The following RAB11FIP2 variants were observed in gnomAD, a reference collection of about 807,000 sequenced individuals.
The protein encoded by RAB11FIP2 is RAB11 family interacting protein 2.
Under a neutral mutation model 40.9 loss-of-function variants are expected in RAB11FIP2, and 16 were observed. That is an observed-to-expected ratio of 0.39 (90% confidence interval 0.26 to 0.59). The LOEUF (loss-of-function observed/expected upper bound fraction) is 0.59. RAB11FIP2 is among the 20% of genes least tolerant of loss of function. The pLI, the probability that RAB11FIP2 is intolerant of heterozygous loss-of-function variation, is 0.53. For missense variants in RAB11FIP2, 532 were observed against 606.2 expected, an observed-to-expected ratio of 0.88 and a Z score of 1.28; for synonymous variants, 228 against 213.7, an observed-to-expected ratio of 1.07 and a Z score of -0.58.
In RAB11FIP2 at chr10:118,035,666, A is replaced by T. The variant is rs560531094; in HGVS notation, c.1265+3306T>A. Among the ~76,000 whole-genome samples the T allele has an allele frequency of 2.3e-4, 35 of 152,276 alleles. No homozygotes were observed. The South Asian group carries it at 7.0e-3, about 31-fold the overall frequency. The stretch of plus-strand genomic sequence containing the variant: ...AAGCATCACGCTGGAGACTAAGGGC[A>T]AAAAGAGGAATGAAATGCAGACCCT... On this transcript the variant is annotated intron_variant, in intron 3 of 4. Coordinates refer to ENST00000355624, the MANE Select transcript of RAB11FIP2 (RefSeq NM_014904.3).
intron 3 of RAB11FIP2, among the ~76,000 whole-genome samples, chr10:118,019,797 A>G (rs996102410): frequency 6.6e-5 from 10 of 151,182 alleles, no homozygotes; most frequent in Non-Finnish European, 1.3e-4. Flanking sequence ...CTGCACTCCA[A>G]CCTGGGGGAA....
At chr10:118,011,368 CTTTTA>C (rs1254392457) in intron 4 of RAB11FIP2, among the ~76,000 whole-genome samples, 1 of 151,778 alleles carries the variant, frequency 6.6e-6, no homozygotes, top group Admixed American at 6.6e-5. Context: ...ATCAATTAAT[CTTTTA>C]TAAGTCTACA....
chr10:118,045,840 G>A lies in RAB11FIP2; in HGVS notation c.324C>T (p.Ile108=), dbSNP rs1846623447. Residue 108 remains isoleucine, a synonymous_variant, in exon 1 of 5, where the codon ATC becomes ATT. Transcript: ENST00000355624. The stretch of plus-strand genomic sequence containing the variant: ...TTTTCCTTCTTTGTTTGTCCTCAAA[G>A]ATGTCATTGAGATTGATTGCCACCT... ...LGQVAINLND[I]FEDKQRRKTE... 1 of 1,611,346 alleles carries A rather than the reference G, an allele frequency of 6.2e-7. No homozygotes were observed. Among genetic ancestry groups the A allele is most frequent in the Non-Finnish European group, 8.5e-7 (1 of 1,178,728 alleles).
Position 118,038,876 on chromosome 10 carries a change from A to G in RAB11FIP2, c.1265+96T>C, listed in dbSNP as rs183996499. 1,567 of 819,818 alleles carry G rather than the reference A, an allele frequency of 1.9e-3. 20 individuals are homozygous for G. Among genetic ancestry groups the G allele is most frequent in the Non-Finnish European group, 6.3e-4 (345 of 545,254 alleles). 50.8% of individuals were successfully genotyped at this position (819,818 alleles called of 1,614,324 possible). A position where few individuals can be genotyped will look rare whatever the true frequency, so the allele number is the denominator to read the frequency against. ...AAAAATGTTTTTCAAATAAAATAAA[A>G]TGACTTGAAAATATTCTAGCATTTA... On this transcript the variant is annotated intron_variant, in intron 3 of 4. Coordinates refer to ENST00000355624, the MANE Select transcript of RAB11FIP2 (RefSeq NM_014904.3).
At chr10:118,022,509 C>A (rs1310391709) in intron 3 of RAB11FIP2, among the ~76,000 whole-genome samples, 2 of 152,126 alleles carry the variant, frequency 1.3e-5, no homozygotes, top group African/African-American at 4.8e-5. Context: ...ATTGCCCATC[C>A]CCTAATGCCA....
intron 3 of RAB11FIP2, among the ~76,000 whole-genome samples, chr10:118,024,058 C>T (rs1846311891): frequency 6.6e-6 from 1 of 150,404 alleles, no homozygotes; most frequent in Non-Finnish European, 1.5e-5. Context: ...CCACTGCACT[C>T]CAGCCTGGGC....
rs577161446 is a variant in RAB11FIP2 at position 118,007,569 on chromosome 10, A to G, written c.*1429T>C. 1.6e-4 allele frequency: 24 copies of G among 152,210 alleles called. No individual in the cohort carries two copies. The highest frequency in any genetic ancestry group is 1.5e-3 in the East Asian group (8 of 5,182). 9.4% of individuals were successfully genotyped at this position (152,210 alleles called of 1,614,324 possible). A position where few individuals can be genotyped will look rare whatever the true frequency, so the allele number is the denominator to read the frequency against. On this transcript the variant is annotated 3_prime_UTR_variant, in exon 5 of 5. Transcript: ENST00000355624. ...AAGATTGGGGAATATGTAAGTCTCC[A>G]TATGGACATGAATTTTCATTTTAAA...
intron 3 of RAB11FIP2, among the ~76,000 whole-genome samples, chr10:118,016,663 G>A (rs1275562227): frequency 6.6e-6 from 1 of 152,062 alleles, no homozygotes; most frequent in South Asian, 2.1e-4. Context: ...CATCTGACTG[G>A]GATATTCTAA....
chr10:118,019,782 C>T lies in RAB11FIP2; in HGVS notation c.1266-4672G>A, dbSNP rs187405284. On this transcript the variant is annotated intron_variant, in intron 3 of 4. Transcript: ENST00000355624. Reference sequence around the variant, plus strand: ...CAGAGCTTGCAGTGAGCCGAGATCGCGCCACTGCACTCCAACCTGGGGGAA... The same window carrying T: ...CAGAGCTTGCAGTGAGCCGAGATCGTGCCACTGCACTCCAACCTGGGGGAA... 9.4e-3 allele frequency among the ~76,000 whole-genome samples: 1,415 copies of T among 150,382 alleles called. 9 individuals are homozygous for T. The highest frequency in any genetic ancestry group is 0.017 in the Middle Eastern group (5 of 294).
intron 4 of RAB11FIP2, among the ~76,000 whole-genome samples, chr10:118,011,852 A>G (rs1846159979): frequency 6.6e-6 from 1 of 152,084 alleles, no homozygotes; most frequent in Admixed American, 6.6e-5. Context: ...TTCATTACTG[A>G]TTAGTTGACT....
At position 118,005,755 on chromosome 10, in the gene RAB11FIP2, GT is replaced by G. The variant is rs940380674; in HGVS notation, c.*3242del. 27 of 145,214 alleles carry G rather than the reference GT, an allele frequency of 1.9e-4. No homozygotes were observed. Among genetic ancestry groups the G allele is most frequent in the Admixed American group, 2.8e-4 (4 of 14,470 alleles). The allele number at this position is 145,214 out of a possible 1,614,324, so 9.0% of individuals were successfully genotyped here. On this transcript the variant is annotated 3_prime_UTR_variant, in exon 5 of 5. Coordinates refer to ENST00000355624, the MANE Select transcript of RAB11FIP2 (RefSeq NM_014904.3). ...TAGATATATTAGACAACAGTTTTTT[GT>G]TTTTTTTTTTAGATTCTCTTTGTTA...
intron 3 of RAB11FIP2, among the ~76,000 whole-genome samples, chr10:118,020,644 T>A (rs1439205488): frequency 2.0e-5 from 3 of 152,166 alleles, no homozygotes; most frequent in Admixed American, 6.5e-5. Context: ...TGCAGTAGCA[T>A]CTCTACCTAC....
At position 118,006,657 on chromosome 10, in the gene RAB11FIP2, G is replaced by C. The variant is rs539248896; in HGVS notation, c.*2341C>G. On this transcript the variant is annotated 3_prime_UTR_variant, in exon 5 of 5. Coordinates refer to ENST00000355624, the MANE Select transcript of RAB11FIP2 (RefSeq NM_014904.3). ...TAGTTTTATTATTTTGACTGATTATGAAAATATGCAATAAGTTTACTCTAG... is the reference window on the plus strand; with the variant it reads ...TAGTTTTATTATTTTGACTGATTATCAAAATATGCAATAAGTTTACTCTAG... 1.3e-5 allele frequency: 2 copies of C among 152,098 alleles called. No homozygotes were observed. The highest frequency in any genetic ancestry group is 4.8e-5 in the African/African-American group (2 of 41,538). 9.4% of individuals were successfully genotyped at this position (152,098 alleles called of 1,614,324 possible).
chr10:118,019,606 G>A (rs1293707155), intron 3 of RAB11FIP2, among the ~76,000 whole-genome samples: 4 of 151,942 alleles, frequency 2.6e-5, no homozygotes, highest in African/African-American at 7.3e-5. Context: ...GGCAGATCAC[G>A]AGGTCAGGAG....
chr10:118,037,556 T>C (rs1846497046), intron 3 of RAB11FIP2, among the ~76,000 whole-genome samples: 1 of 152,074 alleles, frequency 6.6e-6, no homozygotes, highest in Admixed American at 6.6e-5. Flanking sequence ...TCACCATTTA[T>C]GGATTCCCTA....
At chr10:118,013,919 G>C (rs1846184721) in intron 4 of RAB11FIP2, among the ~76,000 whole-genome samples, 1 of 152,012 alleles carries the variant, frequency 6.6e-6, no homozygotes, top group African/African-American at 2.4e-5. Flanking sequence ...GTTGCATTTT[G>C]TTTGAGATTA....
Position 118,009,197 on chromosome 10 carries a change from C to G in RAB11FIP2, c.1340G>C (p.Gly447Ala), listed in dbSNP as rs1425420263. The G allele has an allele frequency of 4.3e-6, 7 of 1,613,128 alleles. No homozygotes were observed. Among genetic ancestry groups the G allele is most frequent in the Non-Finnish European group, 5.9e-6 (7 of 1,179,372 alleles). Residue 447 changes from glycine (G) to alanine (A), a missense_variant, in exon 5 of 5, where the codon GGG becomes GCG. Transcript: ENST00000355624. ...PDSNPFDATA[G>A]YRSLTYEEVL... ...CTCTTCATAGGTCAGACTACGATAC[C>G]CTGCAGTGGCATCAAAGGGGTTGCT... is the stretch of plus-strand genomic sequence containing the variant.
intron 4 of RAB11FIP2, among the ~76,000 whole-genome samples, chr10:118,014,554 A>G (rs1454628243): frequency 6.6e-6 from 1 of 152,138 alleles, no homozygotes; most frequent in Non-Finnish European, 1.5e-5. Context: ...TCCTGTTAAC[A>G]TATTTGGTTT....
At chr10:118,034,198 A>G (rs1157624141) in intron 3 of RAB11FIP2, among the ~76,000 whole-genome samples, 2 of 152,108 alleles carry the variant, frequency 1.3e-5, no homozygotes, top group Non-Finnish European at 2.9e-5. Context: ...TTGGCCTCCA[A>G]GCTTAGTTTG....
Sources: allele counts gnomAD v4.1 joint callset (sites outside exome capture counted in the v4.1 genomes callset), GRCh38; gene constraint gnomAD v4.1.1; transcripts MANE v1.5; gene names NCBI Gene and HGNC (gene_info 2026-07-23, HGNC 2026-07-21).